PDE11A: variants seen among roughly 807,000 people sequenced by gnomAD.
PDE11A encodes dual 3',5'-cyclic-AMP and -GMP phosphodiesterase 11A.
In PDE11A, 100 loss-of-function variants were observed where a neutral mutation model predicts 100.5. The observed-to-expected ratio is 1.00, with a 90% CI of 0.85 to 1.18. The LOEUF is 1.18. Among genes scored for constraint, PDE11A ranks in the 50% most tolerant of loss-of-function variants. The probability of loss-of-function intolerance (pLI) is 0.00; values close to 1 mark genes in which losing one functional copy is unlikely to be tolerated. For missense variants in PDE11A, 1,141 were observed against 1,152.6 expected (o/e 0.99, Z 0.15); for synonymous variants, 381 against 420.8 (o/e 0.91, Z 1.16).
At chr2:177,835,869 C>T (rs541160303) in intron 6 of PDE11A, among the ~76,000 whole-genome samples, 9 of 152,312 alleles carry the variant, frequency 5.9e-5, no homozygotes, top group East Asian at 3.9e-4. Context: ...GGCCCACTGG[C>T]GCTGCGCTCA....
chr2:178,064,215 T>A (rs555769591), intron 1 of PDE11A, among the ~76,000 whole-genome samples: 3 of 152,350 alleles, frequency 2.0e-5, no homozygotes, highest in Admixed American at 6.5e-5. Flanking sequence ...TGATGCCTTT[T>A]ACAGTTTAAC....
intron 1 of PDE11A, among the ~76,000 whole-genome samples, chr2:178,042,197 A>G (rs1370303709): frequency 6.6e-6 from 1 of 152,162 alleles, no homozygotes; most frequent in African/African-American, 2.4e-5. Context: ...ATTCATCCTA[A>G]GGCTGGGTAT....
At chr2:177,681,233 C>T (rs1240875057) in intron 15 of PDE11A, among the ~76,000 whole-genome samples, 3 of 152,128 alleles carry the variant, frequency 2.0e-5, no homozygotes, top group Non-Finnish European at 4.4e-5. Context: ...AGAAAGGAGG[C>T]AAGGACAAAT....
chr2:177,955,153 G>C (rs1178425426), intron 2 of PDE11A, among the ~76,000 whole-genome samples: 1 of 152,016 alleles, frequency 6.6e-6, no homozygotes, highest in African/African-American at 2.4e-5. Context: ...ATTTTTCCCG[G>C]GTAGGAATAA....
At chr2:177,981,260 C>A (rs2105803242) in intron 2 of PDE11A, among the ~76,000 whole-genome samples, 1 of 150,576 alleles carries the variant, frequency 6.6e-6, no homozygotes, top group South Asian at 2.2e-4. Context: ...GTATTAGTTT[C>A]CTAGGGCTGC....
intron 6 of PDE11A, among the ~76,000 whole-genome samples, chr2:177,824,024 G>A (rs1180707809): frequency 4.6e-5 from 7 of 152,260 alleles, no homozygotes; most frequent in African/African-American, 1.7e-4. Flanking sequence ...ACAAACCTTA[G>A]GCTGTTCGCC....
intron 2 of PDE11A, among the ~76,000 whole-genome samples, chr2:177,910,624 G>A (rs955383521): frequency 2.0e-5 from 3 of 150,682 alleles, no homozygotes; most frequent in African/African-American, 7.3e-5. Flanking sequence ...AGCACTTTTC[G>A]GCTTGAAAGC....
At chr2:177,834,463 A>G (rs1485236775) in intron 6 of PDE11A, among the ~76,000 whole-genome samples, 1 of 152,084 alleles carries the variant, frequency 6.6e-6, no homozygotes, top group Non-Finnish European at 1.5e-5. Context: ...TTCTTTTACA[A>G]TATTAGGGGT....
intron 3 of PDE11A, among the ~76,000 whole-genome samples, chr2:177,903,481 T>G (rs1281325323): frequency 6.6e-6 from 1 of 152,222 alleles, no homozygotes; most frequent in Non-Finnish European, 1.5e-5. Flanking sequence ...GGGATTTGGA[T>G]AGACAGCATG....
At chr2:177,665,398 T>C (rs998817758) in intron 18 of PDE11A, among the ~76,000 whole-genome samples, 1 of 151,114 alleles carries the variant, frequency 6.6e-6, no homozygotes, top group East Asian at 1.9e-4. Flanking sequence ...AAGGATTGCT[T>C]AAGCCCAAGA....
chr2:177,669,697 A>G, intron 17 of PDE11A, 130 bp from the exon 18 acceptor site: 1 of 684,682 alleles, frequency 1.5e-6, no homozygotes, highest in Non-Finnish European at 2.7e-6. Context: ...GGAAGTAAGT[A>G]TATTAACCTT....
intron 1 of PDE11A, among the ~76,000 whole-genome samples, chr2:178,046,337 T>C (rs139747932): frequency 1.3e-3 from 205 of 152,316 alleles, no homozygotes; most frequent in Middle Eastern, 3.4e-3. Context: ...AGAAGTCTTA[T>C]GTTATTATAA....
chr2:177,985,364 A>T (rs897414503), intron 2 of PDE11A, among the ~76,000 whole-genome samples: 18 of 152,178 alleles, frequency 1.2e-4, no homozygotes, highest in African/African-American at 4.3e-4. Context: ...ACTATACCTC[A>T]TTGAAGGATT....
chr2:178,079,193 G>A lies in PDE11A; in HGVS notation c.162+25109C>T, dbSNP rs570664649. On this transcript the variant is annotated intron_variant, in intron 2 of 20. Transcript: ENST00000358450. ...TCTGGGGCACATGTGCAGGGTGTGC[G>A]GGTTTGTTACCTAGGTAAAAGTGTG... Among the ~76,000 whole-genome samples, 9 of 152,214 alleles carry A rather than the reference G, an allele frequency of 5.9e-5. No homozygotes were observed. The East Asian group carries it at 7.7e-4, about 13-fold the overall frequency.
chr2:177,773,847 G>T (rs2082344925), intron 9 of PDE11A, among the ~76,000 whole-genome samples: 1 of 152,214 alleles, frequency 6.6e-6, no homozygotes, highest in Non-Finnish European at 1.5e-5. Context: ...CTAAACCACA[G>T]TCCAGGAAGA....
chr2:177,859,988 G>C (rs1216362382), intron 5 of PDE11A, among the ~76,000 whole-genome samples: 1 of 151,748 alleles, frequency 6.6e-6, no homozygotes, highest in Non-Finnish European at 1.5e-5. Flanking sequence ...GGCTATAAAT[G>C]CTTACATTAA....
intron 1 of PDE11A, among the ~76,000 whole-genome samples, chr2:178,037,399 A>G (rs1439488659): frequency 6.6e-6 from 1 of 152,238 alleles, no homozygotes; most frequent in East Asian, 1.9e-4. Flanking sequence ...GTGGAGAAAT[A>G]GAAACACGTT....
chr2:177,646,441 A>C (rs1339864857), intron 19 of PDE11A, among the ~76,000 whole-genome samples: 1 of 152,248 alleles, frequency 6.6e-6, no homozygotes, highest in Non-Finnish European at 1.5e-5. Flanking sequence ...TACAACTCAG[A>C]ATGGTGCTGT....
intron 9 of PDE11A, among the ~76,000 whole-genome samples, chr2:177,815,906 T>C (rs2083030421): frequency 6.6e-6 from 1 of 152,124 alleles, no homozygotes. Flanking sequence ...ATAAAGAAAA[T>C]ATTTGGTAAA....
Sources: gnomAD v4.1 joint callset for allele counts (sites outside exome capture counted in the v4.1 genomes callset) on GRCh38, gnomAD v4.1.1 for gene constraint, MANE v1.5 for transcripts, NCBI Gene and HGNC (gene_info 2026-07-23, HGNC 2026-07-21) for gene names.